ZNF831: variants seen among roughly 807,000 people sequenced by gnomAD.
ZNF831 encodes zinc finger protein 831.
Under a neutral mutation model 95.8 loss-of-function variants are expected in ZNF831, and 59 were observed. The observed-to-expected ratio is 0.62, with a 90% confidence interval of 0.50 to 0.77. The LOEUF (loss-of-function observed/expected upper bound fraction) is 0.77. ZNF831 is among the 30% of genes least tolerant of loss of function. The pLI is 0.00. For synonymous variants in ZNF831, 961 were observed against 925.5 expected, an observed-to-expected ratio of 1.04 and a Z score of -0.70; for missense variants, 2,205 against 2,164.0, an observed-to-expected ratio of 1.02 and a Z score of -0.38.
At chr20:59,179,628 T>G (rs1007896517) in intron 1 of ZNF831, among the ~76,000 whole-genome samples, 4 of 151,974 alleles carry the variant, frequency 2.6e-5, no homozygotes, top group African/African-American at 7.3e-5. Flanking sequence ...GTGGCTGGAT[T>G]TTGCCCCATC....
chr20:59,151,160 C>G (rs921862428), intron 2 of ZNF831, among the ~76,000 whole-genome samples: 1 of 152,008 alleles, frequency 6.6e-6, no homozygotes, highest in African/African-American at 2.4e-5. Flanking sequence ...GATGAAGATG[C>G]GAGGGGGCTA....
In ZNF831 at chr20:59,192,139, G is replaced by C. The variant is rs1011172094; in HGVS notation, c.1120G>C (p.Glu374Gln). Residue 374 changes from glutamate (E) to glutamine (Q), a missense_variant, in exon 2 of 6, where the codon GAG (glutamate) becomes CAG (glutamine). Physicochemically the swap from Glu to Gln is conservative, Grantham distance 29. Coordinates refer to ENST00000371030, the MANE Select transcript of ZNF831 (RefSeq NM_178457.3). This position sits in a 1 kb window ranked among gnomAD's most constrained non-coding sequence, Gnocchi z 5.2. ...CCTTTCGGAGCACAGCGCCGAGTCC[G>C]AGGGGGAGGGCGGCCCGGGCCCGGG... ...HSLSEHSAES[E>Q]GEGGPGPGPG... 1.3e-6 allele frequency: 2 copies of C among 1,566,400 alleles called. No individual in the cohort carries two copies. The highest frequency in any genetic ancestry group is 4.5e-5 in the East Asian group (2 of 44,028).
rs1988144733 is a variant in ZNF831 at position 59,255,652 on chromosome 20, T to G, written c.*909T>G. ...CAATTTCAATTAGAGGGTTACATTT[T>G]AGTAATCTGTACAGCTTCAACTGAT... On this transcript the variant is annotated 3_prime_UTR_variant, in exon 6 of 6. Coordinates refer to ENST00000371030, the MANE Select transcript of ZNF831 (RefSeq NM_178457.3). 1 of 152,254 alleles carries G rather than the reference T, an allele frequency of 6.6e-6. No homozygotes were observed. Among genetic ancestry groups the G allele is most frequent in the Admixed American group, 6.5e-5 (1 of 15,288 alleles). The allele number at this position is 152,254 out of a possible 1,614,324, so 9.4% of individuals were successfully genotyped here. A position where few individuals can be genotyped will look rare whatever the true frequency, so the allele number is the denominator to read the frequency against.
Position 59,253,045 on chromosome 20 carries a change from G to A in ZNF831, c.4095G>A (p.Glu1365=), listed in dbSNP as rs796221630. 2 of 1,614,150 alleles carry A rather than the reference G, an allele frequency of 1.2e-6. No homozygotes were observed. Among genetic ancestry groups the A allele is most frequent in the African/African-American group, 2.7e-5 (2 of 75,048 alleles). ...CACCTCCTTGTTGTGGGAAGGAAGA[G>A]AAGAAGGAAGGTGACTGCAGACAAA... ...SESPPCCGKE[E]KKEGDCRQTL... Residue 1365 remains glutamate (E), a synonymous_variant, in exon 5 of 6, where the codon GAG becomes GAA. Coordinates refer to ENST00000371030, the MANE Select transcript of ZNF831 (RefSeq NM_178457.3).
chr20:59,157,529 A>G (rs1488330097), intron 2 of ZNF831, among the ~76,000 whole-genome samples: 1 of 152,224 alleles, frequency 6.6e-6, no homozygotes, highest in Non-Finnish European at 1.5e-5. Context: ...ACAGTGAGAA[A>G]TAAAACCAGA....
At position 59,207,042 on chromosome 20, in the gene ZNF831, C is replaced by T; in HGVS notation, c.4013C>T (p.Ser1338Phe). Residue 1338 changes from serine (S) to phenylalanine (F), a missense_variant, in exon 4 of 6, where the codon TCT (serine) becomes TTT (phenylalanine). Physicochemically the swap from Ser to Phe is radical, Grantham distance 155. Coordinates refer to ENST00000371030, the MANE Select transcript of ZNF831 (RefSeq NM_178457.3). ...LKPCRTPGQT[S>F]SEIAGLNLQE... ...CCATGCAGGACCCCTGGGCAGACCT[C>T]TTCAGAAATAGCAGGTAATGCTCTC... is the stretch of plus-strand genomic sequence containing the variant. The T allele has an allele frequency of 6.2e-7, 1 of 1,614,050 alleles. No homozygotes were observed. Among genetic ancestry groups the T allele is most frequent in the Non-Finnish European group, 8.5e-7 (1 of 1,179,992 alleles).
At chr20:59,173,025 A>G (rs1035732922) in intron 1 of ZNF831, among the ~76,000 whole-genome samples, 1 of 152,110 alleles carries the variant, frequency 6.6e-6, no homozygotes, top group Non-Finnish European at 1.5e-5. Flanking sequence ...TCTGAGAAGG[A>G]TCAGTATTCC....
chr20:59,240,726 C>T (rs1235427984), intron 4 of ZNF831, among the ~76,000 whole-genome samples: 7 of 152,104 alleles, frequency 4.6e-5, no homozygotes, highest in Non-Finnish European at 7.4e-5. Context: ...GGCGTGAACC[C>T]GGGAGGCGGA....
intron 4 of ZNF831, among the ~76,000 whole-genome samples, chr20:59,245,124 A>G (rs910098707): frequency 1.3e-5 from 2 of 152,238 alleles, no homozygotes; most frequent in African/African-American, 4.8e-5. Flanking sequence ...CTTTGCTATC[A>G]GAGTGGGCGG....
chr20:59,220,698 GT>G (rs202129745), intron 4 of ZNF831, among the ~76,000 whole-genome samples: 4 of 151,844 alleles, frequency 2.6e-5, no homozygotes, highest in Admixed American at 1.3e-4. Flanking sequence ...TGTTTTTATT[GT>G]TTTTTTTAAA....
intron 1 of ZNF831, among the ~76,000 whole-genome samples, chr20:59,126,849 G>C (rs939811603): frequency 1.3e-5 from 2 of 152,184 alleles, no homozygotes; most frequent in African/African-American, 2.4e-5. Flanking sequence ...CGTCTTTGTG[G>C]CTTCTCCTCT....
upstream of ZNF831, chr20:59,159,642 C>T (rs919055836): frequency 6.6e-6 from 1 of 152,186 alleles, no homozygotes; most frequent in Non-Finnish European, 1.5e-5. Flanking sequence ...CTTCCTGTTC[C>T]CTCGCACAGG....
At chr20:59,177,982 A>C (rs1354442812) in intron 1 of ZNF831, among the ~76,000 whole-genome samples, 3 of 152,098 alleles carry the variant, frequency 2.0e-5, no homozygotes, top group Non-Finnish European at 2.9e-5. Context: ...AGTACCTCCA[A>C]CTCAGCCAGT....
rs372668863 is a variant in ZNF831 at position 59,156,146 on chromosome 20, G to A, written c.-1280-3506G>A. ...TGAGACCATCAGCACCATTAAGGCC[G>A]TAGACATATTCACCTCCCAAAGTTT... is the stretch of plus-strand genomic sequence containing the variant. On this transcript the variant is annotated intron_variant, in intron 2 of 7. Transcript: ENST00000637017. 4.7e-4 allele frequency among the ~76,000 whole-genome samples: 71 copies of A among 152,302 alleles called. No homozygotes were observed. The South Asian group carries it at 0.014, about 30-fold the overall frequency.
At chr20:59,236,550 T>G (rs1987009822) in intron 4 of ZNF831, among the ~76,000 whole-genome samples, 1 of 151,516 alleles carries the variant, frequency 6.6e-6, no homozygotes, top group Non-Finnish European at 1.5e-5. Context: ...CACGCTTGGC[T>G]AGTTTTTTGC....
At chr20:59,135,648 G>A (rs921927358) in intron 1 of ZNF831, among the ~76,000 whole-genome samples, 2 of 152,046 alleles carry the variant, frequency 1.3e-5, no homozygotes, top group Admixed American at 6.6e-5. Context: ...GGAGAATGGT[G>A]TGAACCCGGG....
intron 3 of ZNF831, among the ~76,000 whole-genome samples, chr20:59,197,852 T>C (rs951896251): frequency 2.0e-5 from 3 of 152,162 alleles, no homozygotes; most frequent in African/African-American, 7.2e-5. Context: ...ACGGAGGAGC[T>C]GCATGCGGGG....
intron 4 of ZNF831, among the ~76,000 whole-genome samples, chr20:59,232,618 A>G (rs902694505): frequency 6.6e-6 from 1 of 152,156 alleles, no homozygotes; most frequent in Middle Eastern, 3.2e-3. Context: ...TTGAAGTGGA[A>G]AAATAGTCAA....
chr20:59,216,812 G>T (rs1329921939), intron 4 of ZNF831, among the ~76,000 whole-genome samples: 2 of 152,066 alleles, frequency 1.3e-5, no homozygotes. Flanking sequence ...GAGAACAACA[G>T]GATTATGCAG....
Sources: allele counts gnomAD v4.1 joint callset (sites outside exome capture counted in the v4.1 genomes callset), GRCh38; gene constraint gnomAD v4.1.1; non-coding constraint Gnocchi (gnomAD v3.1); transcripts MANE v1.5; gene names NCBI Gene and HGNC (gene_info 2026-07-23, HGNC 2026-07-21).